Variants in SHISAL1 observed in about 807,000 individuals in gnomAD.
SHISAL1 encodes the protein protein shisa-like-1.
In SHISAL1, 9 loss-of-function variants were observed where a neutral mutation model predicts 22.6. That is an observed-to-expected ratio of 0.40 (90% CI 0.24 to 0.70). The LOEUF is 0.70. Among genes scored for constraint, SHISAL1 ranks in the 30% least tolerant of loss-of-function variants. SHISAL1 has a pLI of 0.39. For synonymous variants in SHISAL1, 119 were observed against 115.4 expected (o/e 1.03, Z -0.20); for missense variants, 246 against 270.6 (o/e 0.91, Z 0.64).
At chr22:44,304,305 C>T (rs1366825335) in intron 1 of SHISAL1, among the ~76,000 whole-genome samples, 1 of 152,186 alleles carries the variant, frequency 6.6e-6, no homozygotes, top group African/African-American at 2.4e-5. Context: ...AAACTCAAGG[C>T]CAAACGCACA....
At chr22:44,256,372 A>G (rs1298476232) in intron 4 of SHISAL1, among the ~76,000 whole-genome samples, 3 of 152,172 alleles carry the variant, frequency 2.0e-5, no homozygotes, top group African/African-American at 7.2e-5. Flanking sequence ...TTGCTAACCC[A>G]GACCTTTGGA....
At chr22:44,269,956 G>T (rs564553869) in intron 4 of SHISAL1, among the ~76,000 whole-genome samples, 1 of 152,268 alleles carries the variant, frequency 6.6e-6, no homozygotes, top group African/African-American at 2.4e-5. Context: ...AGTTGTCCTT[G>T]TCCTCAGTGT....
At chr22:44,331,539 C>T in the SHISAL1 span, among the ~76,000 whole-genome samples, 4 of 150,416 alleles carry the variant, frequency 2.7e-5, no homozygotes, top group African/African-American at 9.7e-5. This position sits in a 1 kb window ranked among gnomAD's most constrained non-coding sequence, Gnocchi z 5.2. Flanking sequence ...AGCCGGGAGC[C>T]GGCGCCCGCG....
the SHISAL1 span, among the ~76,000 whole-genome samples, chr22:44,325,158 G>A: frequency 2.0e-5 from 3 of 151,800 alleles, no homozygotes; most frequent in Non-Finnish European, 4.4e-5. Context: ...CAAGAGAATC[G>A]CTTGAACCCA....
chr22:44,287,790 T>G (rs970393041), intron 3 of SHISAL1, among the ~76,000 whole-genome samples: 2 of 152,156 alleles, frequency 1.3e-5, no homozygotes, highest in African/African-American at 4.8e-5. Context: ...GATGTCCATG[T>G]AGACCGAGGA....
intron 4 of SHISAL1, among the ~76,000 whole-genome samples, chr22:44,282,826 C>A (rs2055285838): frequency 6.6e-6 from 1 of 152,192 alleles, no homozygotes; most frequent in East Asian, 1.9e-4. Context: ...CTCCAGTGTG[C>A]CCGAGGAGGG....
intron 4 of SHISAL1, among the ~76,000 whole-genome samples, chr22:44,267,143 C>T (rs1360534660): frequency 6.6e-6 from 1 of 152,072 alleles, no homozygotes; most frequent in African/African-American, 2.4e-5. Context: ...GCACGCAGCC[C>T]ACATCCGAGG....
At chr22:44,268,105 G>A (rs1404264355) in intron 4 of SHISAL1, among the ~76,000 whole-genome samples, 1 of 152,188 alleles carries the variant, frequency 6.6e-6, no homozygotes, top group East Asian at 1.9e-4. Flanking sequence ...CTGATGTTCG[G>A]TCACTTCTCA....
intron 3 of SHISAL1, among the ~76,000 whole-genome samples, chr22:44,291,590 C>T (rs1027371232): frequency 2.0e-5 from 3 of 152,106 alleles, no homozygotes; most frequent in South Asian, 4.1e-4. Flanking sequence ...AGAGGTTTCA[C>T]GCGTGGCCAA....
intron 1 of SHISAL1, among the ~76,000 whole-genome samples, chr22:44,309,474 A>C (rs1466843702): frequency 1.3e-5 from 2 of 152,108 alleles, no homozygotes; most frequent in Non-Finnish European, 2.9e-5. Flanking sequence ...CCCAGGGCAG[A>C]GCACGGTGCC....
intron 1 of SHISAL1, among the ~76,000 whole-genome samples, chr22:44,301,862 A>G (rs6519834): frequency 0.61 from 93,414 of 151,942 alleles, 29,573 homozygotes; most frequent in African/African-American, 0.76. Flanking sequence ...CCATTCACAG[A>G]AGATTTGTCA....
Position 44,285,552 on chromosome 22 carries a change from C to G in SHISAL1, c.475G>C (p.Gly159Arg), listed in dbSNP as rs903182144. 3.3e-6 allele frequency: 5 copies of G among 1,538,184 alleles called. No individual in the cohort carries two copies. In the African/African-American group the frequency reaches 6.7e-5, roughly 21 times the overall value. ...GGCTGCGGCTGTGGGGCCCGCTGAC[C>G]CGGCCGAGGGGCCCGAGCGGGGTTC... The part of the protein sequence containing the change: ...WGNPARAPRP[G>R]QRAPQPQPPP... Residue 159 changes from glycine to arginine, a missense_variant, in exon 4 of 5, where the codon GGT becomes CGT. This residue lies in a region of SHISAL1 where 136 missense variants were observed against 117.5 expected (regional missense o/e 1.16). Transcript: ENST00000381176.
At chr22:44,316,049 C>G (rs1279410044), upstream of SHISAL1, among the ~76,000 whole-genome samples, 2 of 152,198 alleles carry the variant, frequency 1.3e-5, no homozygotes, top group African/African-American at 2.4e-5. Context: ...GTGCCCGTGA[C>G]AGACCTGGTC....
chr22:44,297,858 C>T (rs561295503), intron 2 of SHISAL1, among the ~76,000 whole-genome samples: 3 of 152,364 alleles, frequency 2.0e-5, no homozygotes, highest in South Asian at 2.1e-4. Flanking sequence ...ACCACAAAGG[C>T]AGTGGCTTTG....
At chr22:44,293,875 CT>C (rs1173558927) in intron 3 of SHISAL1, among the ~76,000 whole-genome samples, 2 of 152,226 alleles carry the variant, frequency 1.3e-5, no homozygotes, top group Non-Finnish European at 2.9e-5. Context: ...AGGGGAAGGC[CT>C]TTACTTTGCA....
At chr22:44,325,912 C>T in the SHISAL1 span, among the ~76,000 whole-genome samples, 2 of 151,690 alleles carry the variant, frequency 1.3e-5, no homozygotes, top group African/African-American at 4.8e-5. Flanking sequence ...AAGACCCAAG[C>T]CGAAATTTAC....
chr22:44,260,768 G>C (rs1361717006), intron 4 of SHISAL1, among the ~76,000 whole-genome samples: 1 of 152,188 alleles, frequency 6.6e-6, no homozygotes, highest in Non-Finnish European at 1.5e-5. Context: ...TGCTGCTGCA[G>C]GCTGACATGG....
At chr22:44,321,152 C>T in the SHISAL1 span, among the ~76,000 whole-genome samples, 1 of 152,146 alleles carries the variant, frequency 6.6e-6, no homozygotes, top group Admixed American at 6.5e-5. Context: ...AGTGCTCCAG[C>T]CACACAGTTG....
chr22:44,254,658 G>C (rs1049953793), intron 4 of SHISAL1, among the ~76,000 whole-genome samples: 2 of 152,114 alleles, frequency 1.3e-5, no homozygotes, highest in African/African-American at 4.8e-5. Flanking sequence ...CACCATAACT[G>C]GCCCCAACTA....
Sources: allele counts gnomAD v4.1 joint callset (sites outside exome capture counted in the v4.1 genomes callset), GRCh38; gene constraint gnomAD v4.1.1; regional missense constraint gnomAD v4.1.1; non-coding constraint Gnocchi (gnomAD v3.1); transcripts MANE v1.5; gene names NCBI Gene and HGNC (gene_info 2026-07-23, HGNC 2026-07-21).